The following NOL9 variants were observed in gnomAD, a reference collection of about 807,000 sequenced individuals.
NOL9 encodes the protein polynucleotide 5'-hydroxyl-kinase NOL9.
In NOL9, 28 loss-of-function variants were observed where a neutral mutation model predicts 67.9. The observed-to-expected ratio is 0.41, with a 90% confidence interval of 0.31 to 0.57. The LOEUF (loss-of-function observed/expected upper bound fraction) is 0.57. Ranked by LOEUF, NOL9 falls within the 20% of genes least tolerant of loss-of-function variation. The probability of loss-of-function intolerance (pLI) is 0.25; values close to 1 mark genes in which losing one functional copy is unlikely to be tolerated. For missense variants in NOL9, 777 were observed against 897.0 expected (o/e 0.87, Z 1.71); for synonymous variants, 356 against 352.2 (o/e 1.01, Z -0.12).
chr1:6,548,108 C>A, intron 3 of NOL9: 1 of 211,618 alleles, frequency 4.7e-6, no homozygotes. Context: ...AGGCAGGCTT[C>A]GAGGGGTCCG....
intron 3 of NOL9, chr1:6,547,981 G>A (rs1325019362): frequency 1.4e-5 from 4 of 290,148 alleles, no homozygotes; most frequent in African/African-American, 4.4e-5. Flanking sequence ...ACCGTCATAG[G>A]CTTCCTACAA....
At chr1:6,532,203 C>T (rs1262048467) in intron 8 of NOL9, 124 bp from the exon 9 acceptor site, 11 of 799,276 alleles carry the variant, frequency 1.4e-5, no homozygotes, top group East Asian at 5.3e-5. Context: ...CCCCCCTTGA[C>T]GGACCCCAAC....
chr1:6,529,492 G>T (rs529527970), intron 9 of NOL9, among the ~76,000 whole-genome samples: 4 of 152,226 alleles, frequency 2.6e-5, no homozygotes, highest in African/African-American at 9.6e-5. Context: ...GGAGGCTAAG[G>T]CAGAAGAATC....
chr1:6,534,146 C>T (rs1639097209), intron 6 of NOL9, among the ~76,000 whole-genome samples: 1 of 152,184 alleles, frequency 6.6e-6, no homozygotes. Flanking sequence ...CTCAGCCTCC[C>T]AAAGTGCTGG....
At chr1:6,548,581 A>G in intron 3 of NOL9, 4 of 380,806 alleles carry the variant, frequency 1.1e-5, no homozygotes, top group South Asian at 9.0e-5. Context: ...ACATCATTGT[A>G]AAAGTGCTGA....
chr1:6,525,803 A>G lies in NOL9; in HGVS notation c.*51T>C. 1 of 1,605,054 alleles carries G rather than the reference A, an allele frequency of 6.2e-7. No homozygotes were observed. The highest frequency in any genetic ancestry group is 8.5e-7 in the Non-Finnish European group (1 of 1,172,518). On this transcript the variant is annotated 3_prime_UTR_variant, in exon 12 of 12. Coordinates refer to ENST00000377705, the MANE Select transcript of NOL9 (RefSeq NM_024654.5). ...ATCATGTCTCTTGTGGTCAGGCTTG[A>G]GACAAAGCTTTCTGGTAGGAAAGTT...
chr1:6,542,415 G>A (rs1415861467), intron 5 of NOL9, among the ~76,000 whole-genome samples: 3 of 148,682 alleles, frequency 2.0e-5, no homozygotes, highest in Non-Finnish European at 4.4e-5. Flanking sequence ...TGCCCACCTC[G>A]GTCCCCCAAA....
Position 6,554,204 on chromosome 1 carries a change from T to C in NOL9, c.299A>G (p.Glu100Gly), listed in dbSNP as rs1639614277. 6.6e-7 allele frequency: 1 copy of C among 1,521,312 alleles called. No homozygotes were observed. Among genetic ancestry groups the C allele is most frequent in the East Asian group, 2.7e-5 (1 of 36,432 alleles). 94.2% of individuals were successfully genotyped at this position (1,521,312 alleles called of 1,614,324 possible). Residue 100 changes from glutamate to glycine, a missense_variant, in exon 1 of 12, where the codon GAA (glutamate) becomes GGA (glycine). This residue lies in a region of NOL9 where 364 missense variants were observed against 344.4 expected (regional missense o/e 1.06). Transcript: ENST00000377705. ...GTGGCAACTCGAGGCGGATTCGAGT[T>C]CGGGTTCGGACTCGGGTTCGGAGGC... is the stretch of plus-strand genomic sequence containing the variant. ...TPASEPESEP[E>G]LESASSCHRP...
At position 6,550,532 on chromosome 1, in the gene NOL9, C is replaced by G. The variant is rs1170522185; in HGVS notation, c.480G>C (p.Gln160His). 6.2e-7 allele frequency: 1 copy of G among 1,614,102 alleles called. No individual in the cohort carries two copies. The highest frequency in any genetic ancestry group is 1.7e-5 in the Admixed American group (1 of 59,996). ...ACACAGAGAAGATGTCTTGGGCAGGCTGGCCTTGGCTGATGGTAAAACCAA... is the reference window on the plus strand; with the variant it reads ...ACACAGAGAAGATGTCTTGGGCAGGGTGGCCTTGGCTGATGGTAAAACCAA... ...QVFGFTISQG[Q>H]PAQDIFSVYT... The change falls in exon 2 of 12, where the codon CAG (glutamine) becomes CAC (histidine). Residue 160 changes from glutamine to histidine, a missense_variant. Physicochemically the swap from Gln to His is conservative, Grantham distance 24. This residue lies in a region of NOL9 where 364 missense variants were observed against 344.4 expected (regional missense o/e 1.06). Coordinates refer to ENST00000377705, the MANE Select transcript of NOL9 (RefSeq NM_024654.5).
chr1:6,547,723 C>T (rs977904399), intron 3 of NOL9, among the ~76,000 whole-genome samples: 1 of 151,922 alleles, frequency 6.6e-6, no homozygotes, highest in African/African-American at 2.4e-5. Context: ...GGAGTCATGG[C>T]GTGTACCTGT....
At chr1:6,541,022 T>G (rs923813367) in intron 6 of NOL9, 4 of 149,048 alleles carry the variant, frequency 2.7e-5, no homozygotes, top group African/African-American at 1.0e-4. Flanking sequence ...TTTTTTTTTT[T>G]TTTTTTTTTT....
intron 5 of NOL9, 69 bp from the exon 6 acceptor site, chr1:6,541,996 A>G: frequency 1.0e-6 from 1 of 986,024 alleles, no homozygotes; most frequent in South Asian, 1.7e-5. Flanking sequence ...AAGGATAATC[A>G]CACAGTAAAG....
Position 6,554,372 on chromosome 1 carries a change from C to T in NOL9, c.131G>A (p.Gly44Asp). 6.8e-7 allele frequency: 1 copy of T among 1,469,028 alleles called. No individual in the cohort carries two copies. The highest frequency in any genetic ancestry group is 8.9e-7 in the Non-Finnish European group (1 of 1,121,322). The allele number at this position is 1,469,028 out of a possible 1,614,324, so 91.0% of individuals were successfully genotyped here. A position where few individuals can be genotyped will look rare whatever the true frequency, so the allele number is the denominator to read the frequency against. Residue 44 changes from glycine to aspartate, a missense_variant, in exon 1 of 12, where the codon GGT (glycine) becomes GAT (aspartate). By Grantham distance (94) the Gly-to-Asp change is moderately conservative (BLOSUM62 -1). This residue lies in a region of NOL9 where 364 missense variants were observed against 344.4 expected (regional missense o/e 1.06). Transcript: ENST00000377705. ...RRRLGSLRWCGRRRLRWRLLQ... is the reference protein window; with the variant it reads ...RRRLGSLRWCDRRRLRWRLLQ... ...TAACCGCCACCGTAGGCGCCGCCGA[C>T]CGCACCAGCGCAGGCTCCCGAGCCG...
chr1:6,531,462 C>T (rs572693615), intron 9 of NOL9, among the ~76,000 whole-genome samples: 63 of 152,176 alleles, frequency 4.1e-4, no homozygotes, highest in Admixed American at 1.3e-3. Context: ...ATCTGCCCGC[C>T]TTGGCCTCCC....
At chr1:6,550,328 G>A in intron 2 of NOL9, 68 bp downstream of exon 2, 1 of 1,412,498 alleles carries the variant, frequency 7.1e-7, no homozygotes, top group Non-Finnish European at 1.0e-6. Flanking sequence ...ACCGCGCCTG[G>A]CCCTAAAAAT....
chr1:6,534,718 G>C (rs894076230), intron 6 of NOL9, among the ~76,000 whole-genome samples: 2 of 152,174 alleles, frequency 1.3e-5, no homozygotes, highest in Non-Finnish European at 2.9e-5. Context: ...AGTGAAGAAG[G>C]CTAACGAGAG....
intron 10 of NOL9, among the ~76,000 whole-genome samples, chr1:6,527,231 A>G: frequency 1.5e-5 from 2 of 135,110 alleles, no homozygotes. Context: ...TGGGTGACAG[A>G]GTGAGACTGT....
At chr1:6,544,644 G>A (rs114428692) in intron 5 of NOL9, among the ~76,000 whole-genome samples, 182 bp downstream of exon 5, 5 of 142,814 alleles carry the variant, frequency 3.5e-5, no homozygotes, top group East Asian at 2.1e-4. Flanking sequence ...GTCAGCCTAC[G>A]CTAGAGCATT....
rs1291447056 is a variant in NOL9, at chr1:6,524,776, G to GTT, written c.*1076_*1077dup. On this transcript the variant is annotated 3_prime_UTR_variant, in exon 12 of 12. Coordinates refer to ENST00000377705, the MANE Select transcript of NOL9 (RefSeq NM_024654.5). ...TTTTTTGAGATGGAGTCTTGCTCTT[G>GTT]TTGCCCAGGCTGGAGTGCAGTGGCG... 1 of 150,700 alleles carries GTT rather than the reference G, an allele frequency of 6.6e-6. No individual in the cohort carries two copies. The highest frequency in any genetic ancestry group is 1.5e-5 in the Non-Finnish European group (1 of 67,830). The allele number at this position is 150,700 out of a possible 1,614,324, so 9.3% of individuals were successfully genotyped here. A position where few individuals can be genotyped will look rare whatever the true frequency, so the allele number is the denominator to read the frequency against.
Sources: gnomAD v4.1 joint callset for allele counts (sites outside exome capture counted in the v4.1 genomes callset) on GRCh38, gnomAD v4.1.1 for gene constraint, gnomAD v4.1.1 regional missense constraint, MANE v1.5 for transcripts, NCBI Gene and HGNC (gene_info 2026-07-23, HGNC 2026-07-21) for gene names.